Variants in CACHD1 observed in about 807,000 individuals in gnomAD.
CACHD1 encodes the protein cache domain containing 1.
Under a neutral mutation model 138.7 loss-of-function variants are expected in CACHD1, and 71 were observed. The observed-to-expected ratio is 0.51, with a 90% CI of 0.42 to 0.62. CACHD1 has a LOEUF of 0.62. Among genes scored for constraint, CACHD1 ranks in the 20% least tolerant of loss-of-function variants. The pLI is 0.00. For synonymous variants in CACHD1, 578 were observed against 591.5 expected, an observed-to-expected ratio of 0.98 and a Z score of 0.33; for missense variants, 1,389 against 1,625.3, an observed-to-expected ratio of 0.85 and a Z score of 2.50.
At chr1:64,495,691 C>CT (rs11302911) in intron 1 of CACHD1, among the ~76,000 whole-genome samples, 14 of 148,042 alleles carry the variant, frequency 9.5e-5, no homozygotes, top group African/African-American at 3.0e-4. Context: ...AAGAGAATTA[C>CT]TTTTTTTTTT....
chr1:64,605,344 C>G (rs1284472349), intron 4 of CACHD1, among the ~76,000 whole-genome samples: 1 of 152,060 alleles, frequency 6.6e-6, no homozygotes, highest in Non-Finnish European at 1.5e-5. Context: ...CTAGATGGAT[C>G]ACACATAAAT....
intron 1 of CACHD1, among the ~76,000 whole-genome samples, chr1:64,512,980 T>A (rs1646433791): frequency 6.6e-6 from 1 of 152,216 alleles, no homozygotes; most frequent in Non-Finnish European, 1.5e-5. Flanking sequence ...CCATCCTTGT[T>A]CTGTTTTTCC....
intron 3 of CACHD1, among the ~76,000 whole-genome samples, chr1:64,590,378 G>T (rs1647089845): frequency 6.6e-6 from 1 of 151,114 alleles, no homozygotes; most frequent in African/African-American, 2.4e-5. Flanking sequence ...GCCTGGAAAG[G>T]AATCTCAGCA....
intron 7 of CACHD1, among the ~76,000 whole-genome samples, chr1:64,641,330 A>G (rs182241711): frequency 6.6e-6 from 1 of 152,264 alleles, no homozygotes; most frequent in East Asian, 1.9e-4. Flanking sequence ...TTTAAATGAA[A>G]ATTACCTAAA....
intron 23 of CACHD1, 32 bp from the exon 24 acceptor site, chr1:64,679,563 A>G (rs1298726015): frequency 1.2e-6 from 2 of 1,610,422 alleles, no homozygotes; most frequent in African/African-American, 2.7e-5. Context: ...GGAAATCTTA[A>G]CAAGAAACAT....
rs199717793 is a variant in CACHD1, at chr1:64,492,118, C to CT, written c.198+21183dup. Among the ~76,000 whole-genome samples, 1,242 of 150,490 alleles carry CT rather than the reference C, an allele frequency of 8.3e-3. 21 individuals are homozygous for CT. Among genetic ancestry groups the CT allele is most frequent in the African/African-American group, 0.029 (1,179 of 41,114 alleles). On this transcript the variant is annotated intron_variant, in intron 1 of 26. Transcript: ENST00000651257. ...CTGTTTGAATTTTAAAAGATGGAAG[C>CT]TTTTTTTAAAAAAAGAAATTTGGAA...
At chr1:64,579,677 G>C (rs541752212) in intron 2 of CACHD1, among the ~76,000 whole-genome samples, 1 of 152,134 alleles carries the variant, frequency 6.6e-6, no homozygotes, top group South Asian at 2.1e-4. Flanking sequence ...AAATAAGTAT[G>C]TTTTAAAAGA....
chr1:64,538,739 C>T (rs1395474005), intron 1 of CACHD1, among the ~76,000 whole-genome samples: 1 of 152,144 alleles, frequency 6.6e-6, no homozygotes, highest in Non-Finnish European at 1.5e-5. Context: ...ATACCAGAAT[C>T]GTATTTATGA....
At chr1:64,689,163 G>A (rs1027125982) in intron 26 of CACHD1, among the ~76,000 whole-genome samples, 3 of 152,144 alleles carry the variant, frequency 2.0e-5, no homozygotes, top group Non-Finnish European at 4.4e-5. Context: ...TGCTTATGGT[G>A]GACACATATG....
At chr1:64,545,030 G>A (rs17126644) in intron 1 of CACHD1, among the ~76,000 whole-genome samples, 5,460 of 152,180 alleles carry the variant, frequency 0.036, 323 homozygotes, top group African/African-American at 0.13. Context: ...CATAGCCCCA[G>A]TTTTATCTGG....
intron 7 of CACHD1, among the ~76,000 whole-genome samples, chr1:64,634,573 A>G (rs1483738139): frequency 6.6e-6 from 1 of 151,996 alleles, no homozygotes; most frequent in Non-Finnish European, 1.5e-5. Flanking sequence ...TGGTAAAGAA[A>G]GGGTTTCACT....
intron 1 of CACHD1, among the ~76,000 whole-genome samples, chr1:64,500,219 C>G (rs534547506): frequency 6.6e-6 from 1 of 152,200 alleles, no homozygotes; most frequent in South Asian, 2.1e-4. Context: ...GGTCACATGA[C>G]TCCACCTACC....
rs192777089 is a variant in CACHD1 at position 64,672,724 on chromosome 1, G to A, written c.2511-434G>A. 4.6e-5 allele frequency among the ~76,000 whole-genome samples: 7 copies of A among 152,190 alleles called. No individual in the cohort carries two copies. The East Asian group carries it at 1.3e-3, about 29-fold the overall frequency. ...TACATCCCCTGCGTGTTGTTATTTT[G>A]TGTATATTTATCATTGAAAGAAGAA... On this transcript the variant is annotated intron_variant, in intron 17 of 26. Transcript: ENST00000651257.
intron 1 of CACHD1, among the ~76,000 whole-genome samples, chr1:64,490,976 A>G (rs1053642297): frequency 1.2e-4 from 18 of 152,204 alleles, no homozygotes; most frequent in African/African-American, 4.3e-4. Context: ...TTCTCATGTA[A>G]AAATTAAAAG....
At chr1:64,624,624 G>T (rs144735473) in intron 4 of CACHD1, among the ~76,000 whole-genome samples, 2 of 152,140 alleles carry the variant, frequency 1.3e-5, no homozygotes, top group Non-Finnish European at 2.9e-5. Flanking sequence ...GCAGAGAGGC[G>T]AGAAGACAGG....
intron 3 of CACHD1, among the ~76,000 whole-genome samples, chr1:64,588,231 C>A (rs1214333654): frequency 6.6e-6 from 1 of 152,102 alleles, no homozygotes; most frequent in African/African-American, 2.4e-5. Flanking sequence ...CCCTGTTATG[C>A]CAACTTAAAA....
At chr1:64,587,118 G>C (rs1647056793) in intron 3 of CACHD1, among the ~76,000 whole-genome samples, 1 of 152,142 alleles carries the variant, frequency 6.6e-6, no homozygotes. Flanking sequence ...ACTCAGCACT[G>C]ACCCAGTGGT....
intron 13 of CACHD1, among the ~76,000 whole-genome samples, chr1:64,662,580 A>T (rs1375560927): frequency 6.6e-6 from 1 of 152,248 alleles, no homozygotes; most frequent in Non-Finnish European, 1.5e-5. Context: ...TGTGAGAACT[A>T]ACAAAAGGAG....
At chr1:64,627,890 T>C (rs1433534466) in intron 4 of CACHD1, among the ~76,000 whole-genome samples, 3 of 152,110 alleles carry the variant, frequency 2.0e-5, no homozygotes, top group Non-Finnish European at 2.9e-5. Context: ...TGCATGGACC[T>C]TAAAATGTAA....
Sources: gnomAD v4.1 joint callset for allele counts (sites outside exome capture counted in the v4.1 genomes callset) on GRCh38, gnomAD v4.1.1 for gene constraint, MANE v1.5 for transcripts, NCBI Gene and HGNC (gene_info 2026-07-23, HGNC 2026-07-21) for gene names.